Variants in NEAT1 observed in about 807,000 individuals in gnomAD.
NEAT1 encodes the protein MENepsilon/beta.
At chr11:65,440,485 AAAAAC>A (rs1565636233) in exon 1 of NEAT1, 3 of 151,896 alleles carry the variant, frequency 2.0e-5, no homozygotes, top group Non-Finnish European at 4.4e-5. Context: ...ACGACAAAAA[AAAAAC>A]AAAACAGAAA....
exon 1 of NEAT1, chr11:65,425,102 A>C (rs982800188): frequency 2.6e-5 from 4 of 152,070 alleles, no homozygotes; most frequent in Non-Finnish European, 5.9e-5. Context: ...AGAAAATACT[A>C]ATTAATAATA....
chr11:65,423,497 G>A (rs1052957102), exon 1 of NEAT1: 2 of 152,260 alleles, frequency 1.3e-5, no homozygotes, highest in African/African-American at 4.8e-5. Flanking sequence ...GTGGTCTGAG[G>A]AGTGATGTGG....
exon 1 of NEAT1, chr11:65,428,606 CTG>C: frequency 6.6e-6 from 1 of 152,286 alleles, no homozygotes; most frequent in South Asian, 2.1e-4. Flanking sequence ...CATACTGACA[CTG>C]TTTGGAAATG....
chr11:65,430,096 C>T (rs760020535), exon 1 of NEAT1: 3 of 152,258 alleles, frequency 2.0e-5, no homozygotes, highest in Non-Finnish European at 4.4e-5. Flanking sequence ...AACTTTATGT[C>T]TGGGAGCAAG....
exon 1 of NEAT1, chr11:65,441,777 G>A (rs1015778857): frequency 1.3e-5 from 2 of 151,882 alleles, no homozygotes; most frequent in Admixed American, 6.6e-5. Context: ...CTTTTCCTCC[G>A]GCATGCCTTG....
exon 1 of NEAT1, chr11:65,424,602 T>A (rs957636027): frequency 6.6e-6 from 1 of 152,132 alleles, no homozygotes; most frequent in South Asian, 2.1e-4. Context: ...TGGGGATATA[T>A]TAGAGGAAGC....
exon 1 of NEAT1, chr11:65,444,347 G>A (rs1260617418): frequency 4.5e-6 from 2 of 442,104 alleles, no homozygotes; most frequent in African/African-American, 2.1e-5. Context: ...GTGGAGAAAT[G>A]GGGGGCTGAT....
chr11:65,423,685 T>C (rs1856526863), exon 1 of NEAT1: 1 of 152,298 alleles, frequency 6.6e-6, no homozygotes, highest in Non-Finnish European at 1.5e-5. Flanking sequence ...TCTTGTGAGC[T>C]CACTCCACCC....
At chr11:65,439,786 C>G (rs995279943) in exon 1 of NEAT1, 3 of 151,386 alleles carry the variant, frequency 2.0e-5, no homozygotes, top group Non-Finnish European at 4.4e-5. Context: ...GGGGGGGTGT[C>G]CCCTATCAGA....
chr11:65,431,816 A>G (rs908484556), exon 1 of NEAT1: 3 of 152,186 alleles, frequency 2.0e-5, no homozygotes, highest in African/African-American at 7.2e-5. Context: ...CTGGATATTA[A>G]TCCCCTATCA....
At chr11:65,434,046 T>C (rs1416222010) in exon 1 of NEAT1, 1 of 152,232 alleles carries the variant, frequency 6.6e-6, no homozygotes, top group Admixed American at 6.5e-5. Context: ...GCATGTAATC[T>C]TATGGAACAT....
exon 1 of NEAT1, chr11:65,433,486 A>G (rs1462639720): frequency 2.0e-5 from 3 of 152,034 alleles, no homozygotes; most frequent in Non-Finnish European, 4.4e-5. Context: ...GCTTTCTTTA[A>G]TTGTTTTTTA....
exon 1 of NEAT1, chr11:65,444,524 C>G (rs765600576): frequency 2.0e-6 from 1 of 496,042 alleles, no homozygotes. Context: ...GCTCCAGGGG[C>G]CCTCCCTCCA....
exon 1 of NEAT1, chr11:65,428,022 AGGGGCTG>A (rs1278373277): frequency 6.6e-6 from 1 of 152,172 alleles, no homozygotes; most frequent in Non-Finnish European, 1.5e-5. Flanking sequence ...ACTCCAATCC[AGGGGCTG>A]GGGCCACATT....
At chr11:65,439,777 G>T (rs1023475439) in exon 1 of NEAT1, 1 of 152,112 alleles carries the variant, frequency 6.6e-6, no homozygotes, top group Non-Finnish European at 1.5e-5. Context: ...AAGGTCTTGG[G>T]GGGGGTGTCC....
chr11:65,445,398 A>T (rs1462497454), exon 1 of NEAT1: 1 of 152,214 alleles, frequency 6.6e-6, no homozygotes, highest in African/African-American at 2.4e-5. Flanking sequence ...GGAAGTAAGG[A>T]AGGTAGGAGG....
At chr11:65,427,406 TG>T in exon 1 of NEAT1, 1 of 152,332 alleles carries the variant, frequency 6.6e-6, no homozygotes, top group Non-Finnish European at 1.5e-5. Context: ...ACACAAATGG[TG>T]GGGGATCATG....
At chr11:65,435,542 G>A (rs994954107) in exon 1 of NEAT1, 1 of 152,162 alleles carries the variant, frequency 6.6e-6, no homozygotes, top group South Asian at 2.1e-4. Flanking sequence ...TGTGCTGCGG[G>A]GATCTCTTTT....
chr11:65,438,881 GT>G (rs1174414747), exon 1 of NEAT1: 1 of 152,162 alleles, frequency 6.6e-6, no homozygotes, highest in African/African-American at 2.4e-5. Flanking sequence ...GTGAACATAT[GT>G]TTTCAATTCT....
Sources: gnomAD v4.1 joint callset for allele counts on GRCh38, gnomAD v4.1.1 for gene constraint, MANE v1.5 for transcripts, NCBI Gene and HGNC (gene_info 2026-07-23, HGNC 2026-07-21) for gene names.